The following SYN3 variants were observed in gnomAD, a reference collection of about 807,000 sequenced individuals.
The protein encoded by SYN3 is synapsin III.
A neutral mutation model predicts 65.8 loss-of-function variants in SYN3; 35 were observed. That is an observed-to-expected ratio of 0.53 (90% CI 0.41 to 0.70). The LOEUF is 0.70. Ranked by LOEUF, SYN3 falls within the 30% of genes least tolerant of loss-of-function variation. The pLI is 0.00. For synonymous variants in SYN3, 270 were observed against 292.9 expected, an observed-to-expected ratio of 0.92 and a Z score of 0.80; for missense variants, 680 against 749.0, an observed-to-expected ratio of 0.91 and a Z score of 1.08.
intron 3 of SYN3, among the ~76,000 whole-genome samples, chr22:32,978,673 C>T (rs2052280456): frequency 6.6e-6 from 1 of 152,164 alleles, no homozygotes; most frequent in Non-Finnish European, 1.5e-5. Flanking sequence ...ACCTCTCATC[C>T]CTGGCTTCTA....
intron 12 of SYN3, among the ~76,000 whole-genome samples, chr22:32,524,425 A>T (rs1177029704): frequency 1.3e-5 from 2 of 152,214 alleles, no homozygotes; most frequent in African/African-American, 4.8e-5. Context: ...GGCCCTTAAG[A>T]ATGATGCTAA....
intron 3 of SYN3, among the ~76,000 whole-genome samples, chr22:32,965,524 T>C (rs1220570474): frequency 6.6e-6 from 1 of 150,610 alleles, no homozygotes. Context: ...CTTCTAACAG[T>C]TTGTAATTAT....
chr22:32,588,666 AAAGTT>A (rs1218522189), intron 7 of SYN3, among the ~76,000 whole-genome samples: 2 of 152,196 alleles, frequency 1.3e-5, no homozygotes, highest in Non-Finnish European at 2.9e-5. Context: ...AGCACAGAGA[AAAGTT>A]AAGCAACTTG....
intron 12 of SYN3, 121 bp from the exon 13 acceptor site, chr22:32,518,455 T>G (rs764410548): frequency 8.3e-6 from 10 of 1,206,460 alleles, no homozygotes; most frequent in Non-Finnish European, 1.2e-5. Flanking sequence ...GGTGAAAAAC[T>G]GAAAACCGTA....
intron 2 of SYN3, among the ~76,000 whole-genome samples, chr22:32,998,539 C>T (rs1050356209): frequency 2.0e-5 from 3 of 151,994 alleles, no homozygotes; most frequent in African/African-American, 7.3e-5. Flanking sequence ...GACAGGAGAG[C>T]CAGGGCTCCA....
intron 2 of SYN3, among the ~76,000 whole-genome samples, chr22:32,982,834 G>A (rs952260411): frequency 2.6e-5 from 4 of 152,136 alleles, no homozygotes; most frequent in Non-Finnish European, 2.9e-5. Flanking sequence ...TTAACCTACA[G>A]CCTTTCTCAT....
rs1482842658 is a variant in SYN3, at chr22:32,511,674, C to G, written c.*2018G>C. ...CTTCACCTCTCACCTCACACAATGG[C>G]TATTTTATTTGCTGCTGATCCTAGC... On this transcript the variant is annotated 3_prime_UTR_variant, in exon 14 of 14. Transcript: ENST00000358763. Among the ~76,000 whole-genome samples, 2 of 152,210 alleles carry G rather than the reference C, an allele frequency of 1.3e-5. No homozygotes were observed. Among genetic ancestry groups the G allele is most frequent in the Admixed American group, 1.3e-4 (2 of 15,268 alleles).
intron 6 of SYN3, among the ~76,000 whole-genome samples, chr22:32,605,840 G>C (rs567610476): frequency 6.6e-6 from 1 of 152,304 alleles, no homozygotes; most frequent in East Asian, 1.9e-4. Context: ...CATGGACATG[G>C]GTAGAAGGAT....
chr22:32,764,310 G>A (rs908456830), intron 6 of SYN3, among the ~76,000 whole-genome samples: 7 of 152,142 alleles, frequency 4.6e-5, no homozygotes, highest in Non-Finnish European at 5.9e-5. Flanking sequence ...GAAACAAAAT[G>A]TCCCCGTTTT....
chr22:32,856,134 T>C (rs1282210348), intron 6 of SYN3, among the ~76,000 whole-genome samples: 2 of 152,200 alleles, frequency 1.3e-5, no homozygotes, highest in African/African-American at 2.4e-5. Context: ...AGTGAGAATG[T>C]TTTTGTGGGC....
intron 6 of SYN3, among the ~76,000 whole-genome samples, chr22:32,604,502 T>C (rs1405026685): frequency 7.0e-6 from 1 of 142,118 alleles, no homozygotes; most frequent in African/African-American, 2.6e-5. Flanking sequence ...CACTCTTTTC[T>C]AGGCCAATCC....
At chr22:33,044,045 CTG>C (rs1601954436) in intron 1 of SYN3, among the ~76,000 whole-genome samples, 2 of 150,462 alleles carry the variant, frequency 1.3e-5, no homozygotes, top group Admixed American at 1.3e-4. Context: ...GAGTGAGACT[CTG>C]TCTCAAAAAA....
rs1456689109 is a variant in SYN3 at position 32,508,302 on chromosome 22, C to A, written c.*5390G>T. 6.6e-6 allele frequency among the ~76,000 whole-genome samples: 1 copy of A among 151,724 alleles called. No individual in the cohort carries two copies. The highest frequency in any genetic ancestry group is 2.1e-4 in the East Asian group (1 of 4,822). On this transcript the variant is annotated 3_prime_UTR_variant, in exon 14 of 14. Coordinates refer to ENST00000358763, the MANE Select transcript of SYN3 (RefSeq NM_003490.4). ...AGCTCCCGCACTGAGCACCTTGTGA[C>A]CCCCGCCCCTGCCCACCAGAGAACA...
chr22:32,851,677 C>A (rs570030827), intron 6 of SYN3, among the ~76,000 whole-genome samples: 6 of 152,298 alleles, frequency 3.9e-5, no homozygotes, highest in African/African-American at 1.4e-4. Flanking sequence ...TAACTAAGGG[C>A]AGATCTGATC....
chr22:32,579,072 C>T (rs2058897293), intron 7 of SYN3, among the ~76,000 whole-genome samples: 1 of 152,202 alleles, frequency 6.6e-6, no homozygotes, highest in Admixed American at 6.5e-5. Flanking sequence ...TCCCTTTATA[C>T]AGGAGCTATG....
At chr22:32,678,953 A>G (rs2044637257) in intron 6 of SYN3, among the ~76,000 whole-genome samples, 2 of 151,740 alleles carry the variant, frequency 1.3e-5, no homozygotes, top group South Asian at 4.2e-4. Context: ...AGATCCATCC[A>G]TGTTGTAACA....
intron 3 of SYN3, among the ~76,000 whole-genome samples, chr22:32,958,921 A>G (rs1182181430): frequency 2.0e-5 from 3 of 152,152 alleles, no homozygotes; most frequent in Admixed American, 2.0e-4. Flanking sequence ...GGAGGGGCAC[A>G]GTGGCTCACC....
At chr22:33,046,846 A>C (rs2054074221) in intron 1 of SYN3, among the ~76,000 whole-genome samples, 1 of 149,596 alleles carries the variant, frequency 6.7e-6, no homozygotes, top group East Asian at 1.9e-4. Flanking sequence ...CTGTTTAAAA[A>C]AAAAAAAAAA....
chr22:32,715,434 A>G (rs772639248), intron 6 of SYN3, among the ~76,000 whole-genome samples: 2 of 152,230 alleles, frequency 1.3e-5, no homozygotes, highest in Non-Finnish European at 2.9e-5. Context: ...GATGTGAAAT[A>G]ACGTAAATAT....
Sources: gnomAD v4.1 joint callset for allele counts (sites outside exome capture counted in the v4.1 genomes callset) on GRCh38, gnomAD v4.1.1 for gene constraint, MANE v1.5 for transcripts, NCBI Gene and HGNC (gene_info 2026-07-23, HGNC 2026-07-21) for gene names.